The following PKHD1L1 variants were observed in gnomAD, a reference collection of about 807,000 sequenced individuals.
The protein encoded by PKHD1L1 is PKHD1 like 1.
In PKHD1L1, 434 loss-of-function variants were observed where a neutral mutation model predicts 462.9. The ratio of observed to expected loss-of-function variants is 0.94; its 90% CI spans 0.87 to 1.02. The LOEUF is 1.02. Among genes scored for constraint, PKHD1L1 ranks in the 50% least tolerant of loss-of-function variants. The pLI, the probability that PKHD1L1 is intolerant of heterozygous loss-of-function variation, is 0.00. For missense variants in PKHD1L1, 5,202 were observed against 5,096.1 expected (o/e 1.02, Z -0.63); for synonymous variants, 1,781 against 1,750.0 (o/e 1.02, Z -0.44).
chr8:109,409,470 C>T (rs1257602445), intron 18 of PKHD1L1, among the ~76,000 whole-genome samples: 3 of 151,348 alleles, frequency 2.0e-5, no homozygotes, highest in East Asian at 1.9e-4. Flanking sequence ...AATCCATTGG[C>T]GTGTATAGTT....
At chr8:109,394,570 T>C (rs1357135047) in intron 10 of PKHD1L1, 85 bp downstream of exon 10, 1 of 855,622 alleles carries the variant, frequency 1.2e-6, no homozygotes, top group Non-Finnish European at 1.7e-6. Context: ...ACAATGAGTG[T>C]AAGGTGTATT....
At chr8:109,505,953 G>C (rs1475655525) in intron 68 of PKHD1L1, among the ~76,000 whole-genome samples, 1 of 152,072 alleles carries the variant, frequency 6.6e-6, no homozygotes, top group Non-Finnish European at 1.5e-5. Context: ...TTCATAAATT[G>C]TTTGACTTCA....
rs772426616 is a variant in PKHD1L1, at chr8:109,452,766, TG to T, written c.6563del (p.Gly2188GlufsTer28). On this transcript the variant is annotated frameshift_variant, in exon 43 of 78. Coordinates refer to ENST00000378402, the MANE Select transcript of PKHD1L1 (RefSeq NM_177531.6). LOFTEE classifies it high-confidence loss of function. ...YVDAWSSNFS[W>X]GGKSPPEEGS... is the part of the protein sequence containing the mutation. ...TGATGCCTGGTCCTCCAATTTCTCA[TG>T]GGGGGGAAAATCTCCCCCAGAAGAA... 5.7e-5 allele frequency: 88 copies of T among 1,541,596 alleles called. No individual in the cohort carries two copies. Among genetic ancestry groups the T allele is most frequent in the Non-Finnish European group, 7.1e-5 (81 of 1,144,972 alleles).
chr8:109,439,175 A>C, intron 32 of PKHD1L1, 83 bp downstream of exon 32: 1 of 1,268,154 alleles, frequency 7.9e-7, no homozygotes. Flanking sequence ...GTGGGCATTA[A>C]GCTTTAGGTG....
chr8:109,470,303 G>A lies in PKHD1L1; in HGVS notation c.8605+3534G>A, dbSNP rs1469861828. On this transcript the variant is annotated intron_variant, in intron 50 of 77. Coordinates refer to ENST00000378402, the MANE Select transcript of PKHD1L1 (RefSeq NM_177531.6). ...AGCCATACTTGTAACTGCAAAACGA[G>A]GTCATCATCATATTTAGATAACTTA... 6 of 1,485,426 alleles carry A rather than the reference G, an allele frequency of 4.0e-6. No homozygotes were observed. In the Admixed American group the frequency reaches 8.4e-5, roughly 21 times the overall value. The allele number at this position is 1,485,426 out of a possible 1,614,324, so 92.0% of individuals were successfully genotyped here.
intron 45 of PKHD1L1, among the ~76,000 whole-genome samples, chr8:109,455,833 C>T (rs983483238): frequency 6.6e-6 from 1 of 151,996 alleles, no homozygotes; most frequent in Non-Finnish European, 1.5e-5. Flanking sequence ...TCATAAAAGT[C>T]CTACATAGGG....
chr8:109,374,330 C>CT (rs1377043500), intron 2 of PKHD1L1, among the ~76,000 whole-genome samples: 3 of 151,920 alleles, frequency 2.0e-5, no homozygotes. Flanking sequence ...CAATCTCTGC[C>CT]TTTTTTGTTT....
intron 6 of PKHD1L1, among the ~76,000 whole-genome samples, 164 bp from the exon 7 acceptor site, chr8:109,388,333 T>A (rs1273371763): frequency 6.6e-6 from 1 of 152,120 alleles, no homozygotes; most frequent in African/African-American, 2.4e-5. Context: ...GACTGCCACA[T>A]AATAGAGGTT....
intron 73 of PKHD1L1, among the ~76,000 whole-genome samples, chr8:109,521,030 G>A (rs1389240020): frequency 1.3e-5 from 2 of 152,136 alleles, no homozygotes; most frequent in Admixed American, 6.5e-5. Context: ...GGCCTCCCTG[G>A]AGAAGGCTGT....
chr8:109,523,381 G>A lies in PKHD1L1; in HGVS notation c.12479G>A (p.Arg4160Lys). Residue 4160 changes from arginine (R) to lysine (K), a missense_variant, in exon 76 of 78, where the codon AGA becomes AAA. Physicochemically the swap from Arg to Lys is conservative, Grantham distance 26. This residue lies in a region of PKHD1L1 where 698 missense variants were observed against 736.3 expected (regional missense o/e 0.95). Coordinates refer to ENST00000378402, the MANE Select transcript of PKHD1L1 (RefSeq NM_177531.6). ...WANYTDLTPL[R>K]TGKNYKIEFI... Reference sequence around the variant, plus strand: ...AACTACACAGACCTTACTCCCCTTAGAACAGGTGGGTGCACTATTTTGGAT... The same window carrying A: ...AACTACACAGACCTTACTCCCCTTAAAACAGGTGGGTGCACTATTTTGGAT... 1 of 1,610,806 alleles carries A rather than the reference G, an allele frequency of 6.2e-7. No homozygotes were observed. Among genetic ancestry groups the A allele is most frequent in the Non-Finnish European group, 8.5e-7 (1 of 1,177,952 alleles).
chr8:109,440,544 A>G (rs569162571), intron 32 of PKHD1L1, among the ~76,000 whole-genome samples, 166 bp from the exon 33 acceptor site: 24 of 152,212 alleles, frequency 1.6e-4, no homozygotes, highest in South Asian at 8.3e-4. Flanking sequence ...ATATCATCCA[A>G]TCAAATCGAG....
intron 72 of PKHD1L1, among the ~76,000 whole-genome samples, chr8:109,515,521 C>G (rs1485236056): frequency 1.3e-5 from 2 of 152,102 alleles, no homozygotes; most frequent in East Asian, 3.9e-4. Context: ...TGTGCACATG[C>G]AGATATGAGT....
chr8:109,424,732 C>T (rs1222965831), intron 23 of PKHD1L1, among the ~76,000 whole-genome samples: 1 of 152,036 alleles, frequency 6.6e-6, no homozygotes, highest in African/African-American at 2.4e-5. Flanking sequence ...TAGCCAAGAC[C>T]ACATCTCATG....
chr8:109,508,979 T>C (rs1430229895), intron 70 of PKHD1L1, among the ~76,000 whole-genome samples: 1 of 152,120 alleles, frequency 6.6e-6, no homozygotes, highest in Non-Finnish European at 1.5e-5. Flanking sequence ...CACCAGGGGC[T>C]CAAAACTTAG....
In PKHD1L1 at chr8:109,419,162, C is replaced by G. The variant is rs1395816676; in HGVS notation, c.2426C>G (p.Ser809Cys). The change falls in exon 22 of 78, where the codon TCT becomes TGT. Residue 809 changes from serine to cysteine, a missense_variant. Ser to Cys is a moderately radical substitution (Grantham distance 112, BLOSUM62 -1). Around this residue, in one of 3 missense-constraint regions of PKHD1L1, gnomAD observed 4,497 missense variants for 4,336.8 expected, o/e 1.04. Coordinates refer to ENST00000378402, the MANE Select transcript of PKHD1L1 (RefSeq NM_177531.6). The part of the protein sequence containing the change: ...VRTKYTGTNV[S>C]LQRISLHKAS... ...ACGAAATACACTGGGACAAATGTTT[C>G]TCTTCAGAGGATTAGCTTACATAAA... 6.2e-7 allele frequency: 1 copy of G among 1,613,558 alleles called. No individual in the cohort carries two copies. The highest frequency in any genetic ancestry group is 8.5e-7 in the Non-Finnish European group (1 of 1,179,608).
In PKHD1L1 at chr8:109,464,656, T is replaced by C. The variant is rs1014683265; in HGVS notation, c.7824T>C (p.Leu2608=). 1 of 1,613,074 alleles carries C rather than the reference T, an allele frequency of 6.2e-7. No homozygotes were observed. The highest frequency in any genetic ancestry group is 8.5e-7 in the Non-Finnish European group (1 of 1,179,790). The stretch of plus-strand genomic sequence containing the variant: ...ACATTTGTCAAAAAAGAGTTCCCCT[T>C]GGCGAATTTTTTAACAATACTGTCC... ...DRNICQKRVP[L]GEFFNNTVHS... is the part of the protein sequence containing the mutation. Residue 2608 remains leucine, a synonymous_variant, in exon 49 of 78, where the codon CTT becomes CTC. Transcript: ENST00000378402.
At chr8:109,365,663 G>A (rs965987594) in intron 2 of PKHD1L1, among the ~76,000 whole-genome samples, 3 of 152,104 alleles carry the variant, frequency 2.0e-5, no homozygotes, top group African/African-American at 7.2e-5. Context: ...TAAATGCCGC[G>A]AGAGAAATGC....
At position 109,496,899 on chromosome 8, in the gene PKHD1L1, G is replaced by A. The variant is rs1305977300; in HGVS notation, c.10328-20G>A. 1.9e-6 allele frequency: 3 copies of A among 1,598,342 alleles called. No homozygotes were observed. Among genetic ancestry groups the A allele is most frequent in the African/African-American group, 1.3e-5 (1 of 74,428 alleles). On this transcript the variant is annotated intron_variant, in intron 63 of 77. Coordinates refer to ENST00000378402, the MANE Select transcript of PKHD1L1 (RefSeq NM_177531.6). ...CATGAAATGTAGTGTTCATTCTCTGGTTCTATATTTCCCTCCAAGGCCAGT... is the reference window on the plus strand; with the variant it reads ...CATGAAATGTAGTGTTCATTCTCTGATTCTATATTTCCCTCCAAGGCCAGT...
intron 50 of PKHD1L1, among the ~76,000 whole-genome samples, chr8:109,467,602 C>A (rs1224166498): frequency 2.0e-5 from 3 of 152,010 alleles, no homozygotes; most frequent in African/African-American, 7.2e-5. Context: ...CCTAACCTAC[C>A]CTGACTGGCT....
Sources: allele counts gnomAD v4.1 joint callset (sites outside exome capture counted in the v4.1 genomes callset), GRCh38; gene constraint gnomAD v4.1.1; regional missense constraint gnomAD v4.1.1; transcripts MANE v1.5; gene names NCBI Gene and HGNC (gene_info 2026-07-23, HGNC 2026-07-21).